The following CTNNA3 variants were observed in gnomAD, a reference collection of about 807,000 sequenced individuals.
CTNNA3 encodes the protein catenin alpha-3.
A neutral mutation model predicts 95.7 loss-of-function variants in CTNNA3; 76 were observed. The ratio of observed to expected loss-of-function variants is 0.79; its 90% confidence interval spans 0.66 to 0.96. The LOEUF (loss-of-function observed/expected upper bound fraction) is 0.96, where lower values mean the gene tolerates loss of function less well. Ranked by LOEUF, CTNNA3 falls within the 40% of genes least tolerant of loss-of-function variation. The pLI, the probability that CTNNA3 is intolerant of heterozygous loss-of-function variation, is 0.00. For missense variants in CTNNA3, 1,191 were observed against 1,089.8 expected (o/e 1.09, Z -1.31); for synonymous variants, 431 against 374.4 (o/e 1.15, Z -1.74).
rs1017132193 is a variant in CTNNA3, at chr10:66,837,275, C to G, written c.1048-61751G>C. Among the ~76,000 whole-genome samples the G allele has an allele frequency of 4.5e-4, 68 of 152,218 alleles. 1 individual carries two copies. Among genetic ancestry groups the G allele is most frequent in the Admixed American group, 1.1e-3 (17 of 15,280 alleles). On this transcript the variant is annotated intron_variant, in intron 7 of 17. Transcript: ENST00000433211. ...CCTTTTGGCAAAAGATAATGTGACA[C>G]TCCATTTGAACAACAATTTTCTCTA...
intron 7 of CTNNA3, among the ~76,000 whole-genome samples, chr10:66,805,945 C>A (rs1351363202): frequency 1.3e-5 from 2 of 151,970 alleles, no homozygotes; most frequent in Admixed American, 1.3e-4. Flanking sequence ...TTTCAGCTTT[C>A]ACATTTACAT....
At chr10:66,685,218 T>C (rs867941267) in intron 9 of CTNNA3, among the ~76,000 whole-genome samples, 5 of 142,304 alleles carry the variant, frequency 3.5e-5, no homozygotes, top group African/African-American at 1.3e-4. Context: ...TATATATATG[T>C]GTATATATAT....
chr10:65,994,502 T>G (rs552954775), intron 15 of CTNNA3, among the ~76,000 whole-genome samples: 1 of 152,098 alleles, frequency 6.6e-6, no homozygotes, highest in African/African-American at 2.4e-5. Context: ...GTAATTTTTC[T>G]GCTGAAAAAT....
At position 67,278,394 on chromosome 10, in the gene CTNNA3, C is replaced by T. The variant is rs555001749; in HGVS notation, c.580-58524G>A. ...GGAGGCATGAGGCATCAATCAAATA[C>T]ATTTAAGAAACACATTGGTTTGGTT... On this transcript the variant is annotated intron_variant, in intron 5 of 17. Transcript: ENST00000433211. Among the ~76,000 whole-genome samples, 4 of 152,266 alleles carry T rather than the reference C, an allele frequency of 2.6e-5. No individual in the cohort carries two copies. In the South Asian group the frequency reaches 8.3e-4, roughly 32 times the overall value.
chr10:65,988,782 T>C lies in CTNNA3; in HGVS notation c.2175A>G (p.Leu725=), dbSNP rs761685424. The C allele has an allele frequency of 1.9e-6, 3 of 1,613,240 alleles. No homozygotes were observed. The highest frequency in any genetic ancestry group is 1.1e-5 in the South Asian group (1 of 90,980). The change falls in exon 16 of 18, where the codon CTA becomes CTG. Residue 725 remains leucine (L), a synonymous_variant. Coordinates refer to ENST00000433211, the MANE Select transcript of CTNNA3 (RefSeq NM_013266.4). ...MTDFTRGKGP[L]KHTTDVIYAA... is the part of the protein sequence containing the mutation. ...CATAGATCACATCAGTTGTATGCTTTAGTGGTCCTTTGCCCCTGGAAAAAA... is the reference window on the plus strand; with the variant it reads ...CATAGATCACATCAGTTGTATGCTTCAGTGGTCCTTTGCCCCTGGAAAAAA...
intron 12 of CTNNA3, among the ~76,000 whole-genome samples, chr10:66,375,589 C>A (rs7477752): frequency 0.18 from 24,655 of 138,924 alleles, 2,711 homozygotes; most frequent in East Asian, 0.44. Flanking sequence ...GCTGCAATGC[C>A]AAAAAAAAAA....
rs549871822 is a variant in CTNNA3, at chr10:66,838,502, G to C, written c.1048-62978C>G. Among the ~76,000 whole-genome samples the C allele has an allele frequency of 8.5e-5, 13 of 152,222 alleles. No individual in the cohort carries two copies. The East Asian group carries it at 2.3e-3, about 27-fold the overall frequency. ...TCTGAAAGATAAATAGTGGATGCCTGAAGAGCTATGTTGGGGAAGATGGTG... is the reference window on the plus strand; with the variant it reads ...TCTGAAAGATAAATAGTGGATGCCTCAAGAGCTATGTTGGGGAAGATGGTG... On this transcript the variant is annotated intron_variant, in intron 7 of 17. Transcript: ENST00000433211.
chr10:66,473,949 T>C (rs1488657271), intron 11 of CTNNA3, among the ~76,000 whole-genome samples: 1 of 152,132 alleles, frequency 6.6e-6, no homozygotes, highest in Non-Finnish European at 1.5e-5. Context: ...AAGTCTTTGC[T>C]ATTGTGAATA....
intron 9 of CTNNA3, among the ~76,000 whole-genome samples, chr10:66,651,825 C>T (rs1174209989): frequency 1.3e-5 from 2 of 151,976 alleles, no homozygotes; most frequent in African/African-American, 4.8e-5. Flanking sequence ...GCGCCTCTCC[C>T]TCTACACCTC....
At chr10:67,577,274 T>C (rs956121033) in intron 3 of CTNNA3, among the ~76,000 whole-genome samples, 3 of 152,150 alleles carry the variant, frequency 2.0e-5, no homozygotes, top group Admixed American at 1.3e-4. Context: ...TATCTCATTG[T>C]GGTTTTGATT....
intron 11 of CTNNA3, 170 bp downstream of exon 11, chr10:66,520,447 T>C (rs1346956387): frequency 6.2e-6 from 3 of 485,768 alleles, no homozygotes; most frequent in Non-Finnish European, 1.1e-5. Context: ...AGCGGGGGTT[T>C]CATCATGTTG....
intron 12 of CTNNA3, among the ~76,000 whole-genome samples, chr10:66,367,804 A>G (rs954244182): frequency 1.4e-5 from 2 of 147,802 alleles, no homozygotes; most frequent in Non-Finnish European, 1.5e-5. Flanking sequence ...TTATCATGTG[A>G]CTAATTTAGT....
intron 7 of CTNNA3, among the ~76,000 whole-genome samples, chr10:67,005,221 G>C (rs1456304780): frequency 6.6e-6 from 1 of 151,994 alleles, no homozygotes; most frequent in Admixed American, 6.6e-5. Context: ...CCAGACAATG[G>C]TGCTGTTCAA....
At chr10:66,243,554 A>G (rs1047149803) in intron 13 of CTNNA3, among the ~76,000 whole-genome samples, 77 of 152,294 alleles carry the variant, frequency 5.1e-4, no homozygotes, top group African/African-American at 1.8e-3. Context: ...ACTTGAATCC[A>G]TCTATGATCT....
intron 11 of CTNNA3, among the ~76,000 whole-genome samples, chr10:66,436,941 T>G (rs1309992457): frequency 6.6e-6 from 1 of 152,100 alleles, no homozygotes; most frequent in Non-Finnish European, 1.5e-5. Context: ...TCTCCTTCAC[T>G]TATGAAGCTT....
intron 9 of CTNNA3, among the ~76,000 whole-genome samples, chr10:66,688,209 A>T (rs927476768): frequency 6.6e-6 from 1 of 152,314 alleles, no homozygotes; most frequent in African/African-American, 2.4e-5. Context: ...AAATAAAAAG[A>T]TCATGTCCAC....
chr10:67,513,391 T>C (rs1839703347), intron 5 of CTNNA3, among the ~76,000 whole-genome samples: 1 of 152,210 alleles, frequency 6.6e-6, no homozygotes, highest in African/African-American at 2.4e-5. Context: ...CTGTGAACAC[T>C]CAAAGAAGTT....
At chr10:66,621,405 C>T (rs1336581371) in intron 10 of CTNNA3, among the ~76,000 whole-genome samples, 1 of 151,962 alleles carries the variant, frequency 6.6e-6, no homozygotes, top group African/African-American at 2.4e-5. Context: ...GGGCAGATCA[C>T]TTGAGGTCAG....
intron 7 of CTNNA3, among the ~76,000 whole-genome samples, chr10:67,124,371 T>TGC (rs956206831): frequency 2.0e-5 from 3 of 149,544 alleles, no homozygotes; most frequent in East Asian, 4.0e-4. Context: ...TGTGTGTGTG[T>TGC]GTGGTCTATA....
Sources: gnomAD v4.1 joint callset for allele counts (sites outside exome capture counted in the v4.1 genomes callset) on GRCh38, gnomAD v4.1.1 for gene constraint, MANE v1.5 for transcripts, NCBI Gene and HGNC (gene_info 2026-07-23, HGNC 2026-07-21) for gene names.